KIF7: variants seen among roughly 807,000 people sequenced by gnomAD.
KIF7 encodes the protein kinesin family member 7.
KIF7 carries 104 observed loss-of-function variants against 135.7 expected under a neutral mutation model. The observed-to-expected ratio is 0.77, with a 90% CI of 0.65 to 0.90. KIF7 has a LOEUF of 0.90. KIF7 is among the 40% of genes least tolerant of loss of function. The probability of loss-of-function intolerance (pLI) is 0.00; values close to 1 mark genes in which losing one functional copy is unlikely to be tolerated. For synonymous variants in KIF7, 883 were observed against 809.4 expected, an observed-to-expected ratio of 1.09 and a Z score of -1.54; for missense variants, 2,005 against 1,839.1, an observed-to-expected ratio of 1.09 and a Z score of -1.65.
chr15:89,625,403 C>G, downstream of KIF7: 4 of 1,613,928 alleles, frequency 2.5e-6, no homozygotes, highest in Non-Finnish European at 3.4e-6. Flanking sequence ...GGCGCCGGCT[C>G]CTCTTCCGGG....
rs985336033 is a variant in KIF7 at position 89,631,693 on chromosome 15, G to A, written c.2913C>T (p.Ile971=). 27 of 1,554,592 alleles carry A rather than the reference G, an allele frequency of 1.7e-5. No homozygotes were observed. The highest frequency in any genetic ancestry group is 1.2e-4 in the Admixed American group (6 of 52,154). Residue 971 remains isoleucine, a synonymous_variant, in exon 15 of 19, where the codon ATC becomes ATT. Coordinates refer to ENST00000394412, the MANE Select transcript of KIF7 (RefSeq NM_198525.3). The stretch of plus-strand genomic sequence containing the variant: ...GCTCCAGCCGGCTGGACACTCGCAC[G>A]ATGTCCTCGTTGAGGGCCTGGGGGC... ...LRSSQALNED[I]VRVSSRLEHL... is the part of the protein sequence containing the mutation.
downstream of KIF7, chr15:89,627,222 C>G: frequency 9.4e-7 from 1 of 1,066,966 alleles, no homozygotes; most frequent in South Asian, 1.6e-5. Context: ...TTAGGGTTTT[C>G]TAATTCCCCT....
chr15:89,641,985 C>T (rs955347740), intron 11 of KIF7, among the ~76,000 whole-genome samples: 1 of 152,116 alleles, frequency 6.6e-6, no homozygotes, highest in African/African-American at 2.4e-5. Context: ...GTTGCTCTCC[C>T]AGGTGGTCTT....
chr15:89,649,492 A>C, intron 3 of KIF7, 125 bp from the exon 4 acceptor site: 1 of 1,175,394 alleles, frequency 8.5e-7, no homozygotes, highest in Admixed American at 2.9e-5. Flanking sequence ...CCCCATGCCC[A>C]CGGGGTACTG....
intron 11 of KIF7, among the ~76,000 whole-genome samples, chr15:89,637,679 T>G (rs1320663538): frequency 3.4e-5 from 5 of 145,984 alleles, no homozygotes; most frequent in African/African-American, 1.2e-4. Context: ...CAATAATCAA[T>G]AGCTTACCAA....
In KIF7 at chr15:89,631,638, C is replaced by T. The variant is rs756359749; in HGVS notation, c.2968G>A (p.Gly990Arg). Residue 990 changes from glycine to arginine, a missense_variant, in exon 15 of 19, where the codon GGG (glycine) becomes AGG (arginine). By Grantham distance (125) the Gly-to-Arg change is moderately radical. Coordinates refer to ENST00000394412, the MANE Select transcript of KIF7 (RefSeq NM_198525.3). ...HLEKELSEKS[G>R]QLRQGSAQSQ... ...TGGGCGCTGCCCTGCCGCAGCTGCC[C>T]GCTCTTCTCGGACAGCTCCTTCTCC... is the stretch of plus-strand genomic sequence containing the variant. The T allele has an allele frequency of 1.3e-5, 21 of 1,562,242 alleles. No homozygotes were observed. The South Asian group carries it at 1.6e-4, about 12-fold the overall frequency.
chr15:89,657,309 T>C (rs1466291666), upstream of KIF7, among the ~76,000 whole-genome samples: 3 of 17,610 alleles, frequency 1.7e-4, no homozygotes, highest in Non-Finnish European at 4.2e-4. Flanking sequence ...AGACCCTGTC[T>C]CAAAAAAAAA....
chr15:89,624,923 CACA>C (rs1166903025), downstream of KIF7: 1 of 1,613,978 alleles, frequency 6.2e-7, no homozygotes, highest in African/African-American at 1.3e-5. Flanking sequence ...CAGGCTTCGG[CACA>C]ACTAGACAAC....
In KIF7 at chr15:89,632,908, A is replaced by C; in HGVS notation, c.2807T>G (p.Leu936Arg). ...GGCCAGGATGGCCTCCCGCTTGTGG[A>C]GCTCCTCCCCCAGCTCCTCCAGCGC... The part of the protein sequence containing the change: ...RRALEELGEE[L>R]HKREAILAKK... The change falls in exon 14 of 19, where the codon CTC (leucine) becomes CGC (arginine). Residue 936 changes from leucine (L) to arginine (R), a missense_variant. By Grantham distance (102) the Leu-to-Arg change is moderately radical. Transcript: ENST00000394412. 2 of 1,605,904 alleles carry C rather than the reference A, an allele frequency of 1.2e-6. No homozygotes were observed. Among genetic ancestry groups the C allele is most frequent in the Non-Finnish European group, 1.7e-6 (2 of 1,178,330 alleles).
At chr15:89,633,107 G>C (rs1374708219) in intron 13 of KIF7, 34 bp downstream of exon 13, 2 of 1,601,104 alleles carry the variant, frequency 1.2e-6, no homozygotes, top group African/African-American at 1.3e-5. Flanking sequence ...CAGCCCCCAG[G>C]GGAGCCCTGG....
the KIF7 span, among the ~76,000 whole-genome samples, chr15:89,661,209 T>C: frequency 6.6e-6 from 1 of 152,206 alleles, no homozygotes; most frequent in Non-Finnish European, 1.5e-5. Flanking sequence ...GGCATATTTA[T>C]ATATACTCAT....
upstream of KIF7, among the ~76,000 whole-genome samples, chr15:89,659,191 T>C (rs913961155): frequency 1.3e-5 from 2 of 152,090 alleles, no homozygotes; most frequent in Non-Finnish European, 2.9e-5. Context: ...TATTTATCCT[T>C]GATAAAGAGT....
At position 89,629,494 on chromosome 15, in the gene KIF7, C is replaced by G. The variant is rs749087784; in HGVS notation, c.3398G>C (p.Arg1133Thr). 1.9e-6 allele frequency: 3 copies of G among 1,611,612 alleles called. No homozygotes were observed. The highest frequency in any genetic ancestry group is 2.5e-6 in the Non-Finnish European group (3 of 1,180,000). Residue 1133 changes from arginine to threonine, a missense_variant, in exon 17 of 19, where the codon AGG (arginine) becomes ACG (threonine). Physicochemically the swap from Arg to Thr is moderately conservative, Grantham distance 71. Transcript: ENST00000394412. ...GGCCACCTCCAGCCAGTACACCAGC[C>G]TCTGCTGCTCCTCCAGCTGCATCTC... ...ELEMQLEEQQ[R>T]LVYWLEVALE...
At chr15:89,637,665 G>A (rs920972023) in intron 11 of KIF7, among the ~76,000 whole-genome samples, 1 of 147,354 alleles carries the variant, frequency 6.8e-6, no homozygotes, top group African/African-American at 2.5e-5. Flanking sequence ...AGCTGAAATT[G>A]TGGCAATAAT....
At chr15:89,621,981 TC>T (rs1386658492) in intron 1 of KIF7, among the ~76,000 whole-genome samples, 1 of 120,782 alleles carries the variant, frequency 8.3e-6, no homozygotes, top group Non-Finnish European at 1.7e-5. Context: ...ACAAACTGAC[TC>T]TTTTTTTTTT....
At chr15:89,653,249 T>A (rs1029242789) in intron 1 of KIF7, among the ~76,000 whole-genome samples, 2 of 152,062 alleles carry the variant, frequency 1.3e-5, no homozygotes, top group South Asian at 2.1e-4. Context: ...TATGGCCCCA[T>A]CTCCTAGAAG....
intron 11 of KIF7, among the ~76,000 whole-genome samples, chr15:89,641,427 G>A (rs574982408): frequency 6.6e-6 from 1 of 152,318 alleles, no homozygotes; most frequent in African/African-American, 2.4e-5. Context: ...AACTAAGACA[G>A]AGAATGCATG....
At chr15:89,633,983 G>A in intron 11 of KIF7, 100 bp from the exon 12 acceptor site, 1 of 1,252,822 alleles carries the variant, frequency 8.0e-7, no homozygotes, top group East Asian at 2.3e-5. Flanking sequence ...AGGGCAAATG[G>A]GTAGGTGGGT....
intron 11 of KIF7, among the ~76,000 whole-genome samples, chr15:89,634,963 C>T (rs1301197900): frequency 6.6e-6 from 1 of 152,234 alleles, no homozygotes; most frequent in Middle Eastern, 3.2e-3. Context: ...GTTCTCCCAG[C>T]ACGCAGCTGG....
Sources: allele counts gnomAD v4.1 joint callset (sites outside exome capture counted in the v4.1 genomes callset), GRCh38; gene constraint gnomAD v4.1.1; transcripts MANE v1.5; gene names NCBI Gene and HGNC (gene_info 2026-07-23, HGNC 2026-07-21).